KAZN: variants seen among roughly 807,000 people sequenced by gnomAD.
KAZN encodes kazrin, periplakin interacting protein.
KAZN carries 40 observed loss-of-function variants against 87.4 expected under a neutral mutation model. The observed-to-expected ratio is 0.46, with a 90% confidence interval of 0.36 to 0.60. KAZN has a LOEUF of 0.60. Among genes scored for constraint, KAZN ranks in the 20% least tolerant of loss-of-function variants. The pLI is 0.00. For missense variants in KAZN, 898 were observed against 1,073.9 expected (o/e 0.84, Z 2.29); for synonymous variants, 466 against 458.3 (o/e 1.02, Z -0.22).
intron 1 of KAZN, among the ~76,000 whole-genome samples, chr1:14,924,993 G>T (rs1659017054): frequency 6.6e-6 from 1 of 152,258 alleles, no homozygotes; most frequent in African/African-American, 2.4e-5. Context: ...CTTCACCGCC[G>T]CCCCTCCGAG....
chr1:14,651,905 T>C (rs1456147975), intron 1 of KAZN, among the ~76,000 whole-genome samples: 2 of 152,352 alleles, frequency 1.3e-5, no homozygotes, highest in East Asian at 3.9e-4. Context: ...GTTCGAATGA[T>C]ACCCATGATC....
chr1:14,507,433 A>G (rs1422795116), intron 2 of KAZN, among the ~76,000 whole-genome samples: 1 of 152,216 alleles, frequency 6.6e-6, no homozygotes, highest in Non-Finnish European at 1.5e-5. Context: ...AAACATAAAC[A>G]TTAGTTTCTA....
intron 1 of KAZN, among the ~76,000 whole-genome samples, chr1:14,158,146 G>A (rs758602253): frequency 1.4e-4 from 22 of 152,134 alleles, no homozygotes; most frequent in Non-Finnish European, 2.5e-4. Context: ...ATATCTTTCC[G>A]TAGGTTTTGG....
In KAZN at chr1:14,174,678, G is replaced by A. The variant is rs111958567; in HGVS notation, c.92-5757G>A. Among the ~76,000 whole-genome samples, 1,410 of 152,254 alleles carry A rather than the reference G, an allele frequency of 9.3e-3. 17 individuals are homozygous for A. Among genetic ancestry groups the A allele is most frequent in the African/African-American group, 0.033 (1,355 of 41,542 alleles). On this transcript the variant is annotated intron_variant, in intron 1 of 16. Coordinates refer to the KAZN transcript ENST00000636203. ...ATCTTTGGCTCACTTATATAACAAG[G>A]AGTTAAAAATTAATCTCAATTATAA... is the stretch of plus-strand genomic sequence containing the variant.
intron 1 of KAZN, among the ~76,000 whole-genome samples, chr1:14,635,436 T>C (rs942035173): frequency 6.6e-6 from 1 of 152,206 alleles, no homozygotes; most frequent in South Asian, 2.1e-4. Flanking sequence ...AGTCCCCTCA[T>C]ACCCTATGAG....
intron 13 of KAZN, 50 bp downstream of exon 13, chr1:15,104,239 C>T (rs751626391): frequency 6.7e-7 from 1 of 1,486,186 alleles, no homozygotes; most frequent in Non-Finnish European, 9.0e-7. Flanking sequence ...TACAGTACAG[C>T]TCAGGGCTTT....
At chr1:14,443,349 C>T (rs1408660443) in intron 2 of KAZN, among the ~76,000 whole-genome samples, 3 of 152,216 alleles carry the variant, frequency 2.0e-5, no homozygotes, top group South Asian at 4.1e-4. Context: ...TAATTAAGTT[C>T]CAGCCAGCAG....
intron 1 of KAZN, among the ~76,000 whole-genome samples, chr1:14,852,137 TCTC>T (rs1649523707): frequency 1.3e-5 from 2 of 152,106 alleles, no homozygotes. Flanking sequence ...TGGATCTCCT[TCTC>T]CTTCTCTGCG....
chr1:14,512,663 G>A (rs1219206730), intron 2 of KAZN, among the ~76,000 whole-genome samples: 1 of 152,172 alleles, frequency 6.6e-6, no homozygotes, highest in Admixed American at 6.5e-5. Flanking sequence ...ACAGTTCGCC[G>A]GGGTCACTAG....
intron 1 of KAZN, among the ~76,000 whole-genome samples, chr1:14,135,396 G>A (rs1645087101): frequency 6.6e-6 from 1 of 152,198 alleles, no homozygotes; most frequent in Non-Finnish European, 1.5e-5. Context: ...GTTCTTAAAA[G>A]TTGACATTCT....
intron 1 of KAZN, among the ~76,000 whole-genome samples, chr1:14,953,235 AG>A (rs1459455930): frequency 6.6e-6 from 1 of 152,186 alleles, no homozygotes; most frequent in East Asian, 1.9e-4. Flanking sequence ...CCATGCGCTG[AG>A]TGGCTGACTC....
intron 2 of KAZN, among the ~76,000 whole-genome samples, chr1:14,219,343 G>T (rs1243857440): frequency 3.9e-5 from 6 of 152,102 alleles, no homozygotes; most frequent in Admixed American, 3.9e-4. Flanking sequence ...AGATTTCTTT[G>T]TCTTGATTTG....
chr1:13,979,794 A>G (rs1298551641), intron 1 of KAZN, among the ~76,000 whole-genome samples: 1 of 152,002 alleles, frequency 6.6e-6, no homozygotes, highest in Non-Finnish European at 1.5e-5. Context: ...AACCAGGCGT[A>G]GTGGCAGGTG....
intron 1 of KAZN, among the ~76,000 whole-genome samples, chr1:14,800,958 G>A (rs1170839221): frequency 6.6e-6 from 1 of 151,680 alleles, no homozygotes; most frequent in Admixed American, 6.6e-5. Context: ...ATTAGGTTAC[G>A]GTGATAGTTG....
At chr1:14,126,044 G>T (rs902932009) in intron 1 of KAZN, among the ~76,000 whole-genome samples, 6 of 152,160 alleles carry the variant, frequency 3.9e-5, no homozygotes, top group African/African-American at 1.4e-4. Context: ...GTTGTAAGTG[G>T]AAGGTGTATT....
At chr1:14,840,666 T>C (rs1226572170) in intron 1 of KAZN, among the ~76,000 whole-genome samples, 3 of 152,230 alleles carry the variant, frequency 2.0e-5, no homozygotes, top group Non-Finnish European at 4.4e-5. Context: ...AGAAAGAGCG[T>C]GGTCATTTAG....
At chr1:13,959,490 T>C (rs966352934) in intron 1 of KAZN, among the ~76,000 whole-genome samples, 1 of 152,204 alleles carries the variant, frequency 6.6e-6, no homozygotes. Flanking sequence ...AATGCTTCAA[T>C]AGAGTAAGGT....
At chr1:14,211,270 G>A (rs1646847491) in intron 2 of KAZN, among the ~76,000 whole-genome samples, 3 of 152,098 alleles carry the variant, frequency 2.0e-5, no homozygotes, top group African/African-American at 7.2e-5. Context: ...GCCCAGGCTG[G>A]AGTGCAGTGG....
At position 14,345,004 on chromosome 1, in the gene KAZN, C is replaced by T. The variant is rs143784696; in HGVS notation, c.249+164412C>T. ...CGTGATCTCGGCTCACTGCAACCTC[C>T]GCCTCCAGGGTTCAAGCTACTCTCC... On this transcript the variant is annotated intron_variant, in intron 2 of 16. Transcript: ENST00000636203. Among the ~76,000 whole-genome samples, 33 of 151,652 alleles carry T rather than the reference C, an allele frequency of 2.2e-4. No individual in the cohort carries two copies. In the East Asian group the frequency reaches 4.7e-3, roughly 21 times the overall value.
Sources: gnomAD v4.1 joint callset for allele counts (sites outside exome capture counted in the v4.1 genomes callset) on GRCh38, gnomAD v4.1.1 for gene constraint, MANE v1.5 for transcripts, NCBI Gene and HGNC (gene_info 2026-07-23, HGNC 2026-07-21) for gene names.